Variants in KHDRBS3 observed in about 807,000 individuals in gnomAD.
KHDRBS3 encodes KH domain-containing, RNA-binding, signal transduction-associated protein 3.
Under a neutral mutation model 45.6 loss-of-function variants are expected in KHDRBS3, and 23 were observed. That is an observed-to-expected ratio of 0.50 (90% CI 0.36 to 0.72). The LOEUF is 0.72. Among genes scored for constraint, KHDRBS3 ranks in the 30% least tolerant of loss-of-function variants. KHDRBS3 has a pLI of 0.00. For missense variants in KHDRBS3, 352 were observed against 424.8 expected (o/e 0.83, Z 1.51); for synonymous variants, 162 against 156.5 (o/e 1.04, Z -0.26).
intron 1 of KHDRBS3, among the ~76,000 whole-genome samples, chr8:135,511,537 TTTTG>T (rs1207024350): frequency 1.3e-5 from 2 of 150,396 alleles, no homozygotes; most frequent in African/African-American, 2.5e-5. Flanking sequence ...TGCTCTGTTT[TTTTG>T]TTTGTTTGTT....
chr8:135,462,237 G>GGT (rs756017533), intron 1 of KHDRBS3, among the ~76,000 whole-genome samples: 1 of 140,264 alleles, frequency 7.1e-6, no homozygotes, highest in Non-Finnish European at 1.6e-5. Flanking sequence ...TGTGTTATCA[G>GGT]TTTTTTTTTT....
At chr8:135,514,378 G>A (rs927166671) in intron 1 of KHDRBS3, among the ~76,000 whole-genome samples, 3 of 152,160 alleles carry the variant, frequency 2.0e-5, no homozygotes, top group Admixed American at 6.5e-5. Context: ...ATATTATTCC[G>A]CCTTAAAAAG....
At chr8:135,525,819 G>A (rs975444701) in intron 2 of KHDRBS3, among the ~76,000 whole-genome samples, 7 of 152,092 alleles carry the variant, frequency 4.6e-5, no homozygotes, top group Non-Finnish European at 7.4e-5. Context: ...TCTTTAAGTA[G>A]TTCATAGTCT....
intron 1 of KHDRBS3, among the ~76,000 whole-genome samples, chr8:135,494,273 A>ATTTTTTTTTTTTTTTTTTTTTTTTTTT (rs386414089): frequency 2.5e-5 from 2 of 78,624 alleles, no homozygotes; most frequent in Admixed American, 1.9e-4. Flanking sequence ...TGTTTCTCTT[A>ATTTTTTTTTTTTTTTTTTTTTTTTTTT]TTTTTTTTTT....
At chr8:135,458,429 G>A in intron 1 of KHDRBS3, 2 of 224,100 alleles carry the variant, frequency 8.9e-6, no homozygotes, top group South Asian at 1.3e-4. Flanking sequence ...TGCTTGCATT[G>A]TTAGCGAAGT....
chr8:135,646,985 G>T lies in KHDRBS3; in HGVS notation c.950-8G>T, dbSNP rs1321973065. The T allele has an allele frequency of 1.3e-6, 2 of 1,507,804 alleles. No homozygotes were observed. Among genetic ancestry groups the T allele is most frequent in the African/African-American group, 2.7e-5 (2 of 72,794 alleles). 93.4% of individuals were successfully genotyped at this position (1,507,804 alleles called of 1,614,324 possible). ...TGATCTAATTGTGATTCATCTTACT[G>T]ATTGTAGGGCAAGAAGAGTGGACTA... On this transcript the variant is annotated splice_region_variant and splice_polypyrimidine_tract_variant and intron_variant, in intron 8 of 8. Transcript: ENST00000355849.
At chr8:135,584,221 G>A (rs181648167) in intron 6 of KHDRBS3, among the ~76,000 whole-genome samples, 1 of 152,236 alleles carries the variant, frequency 6.6e-6, no homozygotes, top group East Asian at 1.9e-4. Context: ...TGCTCTTTCT[G>A]TCACATGGTA....
At chr8:135,523,779 T>C (rs1825036815) in intron 2 of KHDRBS3, among the ~76,000 whole-genome samples, 1 of 152,196 alleles carries the variant, frequency 6.6e-6, no homozygotes, top group African/African-American at 2.4e-5. Flanking sequence ...TCCCTTCTGC[T>C]TCAGTTTTAC....
chr8:135,458,680 C>A (rs973133291), intron 1 of KHDRBS3: 5 of 361,056 alleles, frequency 1.4e-5, no homozygotes, highest in Non-Finnish European at 2.2e-5. Context: ...AGCACCGTTC[C>A]GGAGGGCGTT....
intron 5 of KHDRBS3, among the ~76,000 whole-genome samples, chr8:135,564,788 A>G (rs373205826): frequency 5.9e-5 from 9 of 152,130 alleles, no homozygotes; most frequent in African/African-American, 1.9e-4. Flanking sequence ...TTGATTTTTA[A>G]TAGTTTTTTA....
intron 7 of KHDRBS3, among the ~76,000 whole-genome samples, chr8:135,632,021 A>C (rs1243807024): frequency 1.3e-5 from 2 of 152,222 alleles, no homozygotes; most frequent in East Asian, 3.9e-4. Flanking sequence ...ATGGTCTGGC[A>C]TTGAATGAAA....
chr8:135,534,217 GTT>G (rs34069337), intron 2 of KHDRBS3, among the ~76,000 whole-genome samples: 1 of 149,940 alleles, frequency 6.7e-6, no homozygotes, highest in East Asian at 2.0e-4. Context: ...CTTCTCAGGT[GTT>G]TTTTTTTTAA....
At chr8:135,581,742 T>C in intron 5 of KHDRBS3, 136 bp from the exon 6 acceptor site, 1 of 700,528 alleles carries the variant, frequency 1.4e-6, no homozygotes, top group Non-Finnish European at 2.3e-6. Flanking sequence ...TTGCTTTAGT[T>C]CTTTGCTTGT....
chr8:135,570,049 A>C (rs991311544), intron 5 of KHDRBS3, among the ~76,000 whole-genome samples: 2 of 152,204 alleles, frequency 1.3e-5, no homozygotes, highest in Non-Finnish European at 2.9e-5. Flanking sequence ...TTACGGGGCA[A>C]TTCTGTATCT....
intron 1 of KHDRBS3, 70 bp downstream of exon 1, chr8:135,458,024 G>A: frequency 6.7e-7 from 1 of 1,494,238 alleles, no homozygotes; most frequent in Non-Finnish European, 8.9e-7. Context: ...GGGCCCAGGG[G>A]GCCCCTCCGT....
rs138248183 is a variant in KHDRBS3 at position 135,536,050 on chromosome 8, G to A, written c.208-6604G>A. Among the ~76,000 whole-genome samples, 949 of 152,062 alleles carry A rather than the reference G, an allele frequency of 6.2e-3. 7 individuals carry two copies. Among genetic ancestry groups the A allele is most frequent in the African/African-American group, 0.021 (887 of 41,468 alleles). ...TAGGAGGGATTTTTTTGCAGATAAAGCTTTTAAGAAGGTTTCAACTTTTCT... is the reference window on the plus strand; with the variant it reads ...TAGGAGGGATTTTTTTGCAGATAAAACTTTTAAGAAGGTTTCAACTTTTCT... On this transcript the variant is annotated intron_variant, in intron 2 of 8. Coordinates refer to ENST00000355849, the MANE Select transcript of KHDRBS3 (RefSeq NM_006558.3).
chr8:135,624,589 A>G (rs1830280114), intron 7 of KHDRBS3, among the ~76,000 whole-genome samples: 1 of 152,208 alleles, frequency 6.6e-6, no homozygotes, highest in African/African-American at 2.4e-5. Flanking sequence ...TTGGCCAATG[A>G]CACCAAATGG....
chr8:135,580,595 C>T (rs552647157), intron 5 of KHDRBS3, among the ~76,000 whole-genome samples: 15 of 130,980 alleles, frequency 1.1e-4, no homozygotes, highest in African/African-American at 4.0e-4. Context: ...CTCTTCCTCT[C>T]TCTCTCTCTC....
intron 1 of KHDRBS3, among the ~76,000 whole-genome samples, chr8:135,510,663 GACGT>G (rs1229720479): frequency 1.5e-4 from 23 of 152,324 alleles, no homozygotes; most frequent in African/African-American, 5.5e-4. Flanking sequence ...TCAATCTCCT[GACGT>G]AATGACCCAC....
Sources: allele counts gnomAD v4.1 joint callset (sites outside exome capture counted in the v4.1 genomes callset), GRCh38; gene constraint gnomAD v4.1.1; transcripts MANE v1.5; gene names NCBI Gene and HGNC (gene_info 2026-07-23, HGNC 2026-07-21).